TSPAN12: variants seen among roughly 807,000 people sequenced by gnomAD.
TSPAN12 encodes tetraspanin 12.
In TSPAN12, 19 loss-of-function variants were observed where a neutral mutation model predicts 39.2. The observed-to-expected ratio is 0.49, with a 90% CI of 0.34 to 0.71. TSPAN12 has a LOEUF of 0.71. Ranked by LOEUF, TSPAN12 falls within the 30% of genes least tolerant of loss-of-function variation. The pLI, the probability that TSPAN12 is intolerant of heterozygous loss-of-function variation, is 0.01. For synonymous variants in TSPAN12, 119 were observed against 124.8 expected (o/e 0.95, Z 0.31); for missense variants, 314 against 359.9 (o/e 0.87, Z 1.03).
At chr7:120,829,396 T>C (rs1462575619) in intron 4 of TSPAN12, among the ~76,000 whole-genome samples, 6 of 152,186 alleles carry the variant, frequency 3.9e-5, no homozygotes, top group South Asian at 4.1e-4. Context: ...TGATTTTTTT[T>C]TTTTTCTAAA....
In TSPAN12 at chr7:120,822,158, C is replaced by G. The variant is rs564793039; in HGVS notation, c.286-6355G>C. Among the ~76,000 whole-genome samples, 12 of 152,112 alleles carry G rather than the reference C, an allele frequency of 7.9e-5. No individual in the cohort carries two copies. In the East Asian group the frequency reaches 1.2e-3, roughly 15 times the overall value. Reference sequence around the variant, plus strand: ...CTTGACACCCACCTTCCTATTTAAGCCCTTGGGGATGTGTGGGTAAATGCA... The same window carrying G: ...CTTGACACCCACCTTCCTATTTAAGGCCTTGGGGATGTGTGGGTAAATGCA... On this transcript the variant is annotated intron_variant, in intron 4 of 7. Transcript: ENST00000222747.
At chr7:120,814,886 A>AC (rs1178754686) in intron 5 of TSPAN12, among the ~76,000 whole-genome samples, 41 of 152,314 alleles carry the variant, frequency 2.7e-4, no homozygotes, top group African/African-American at 9.4e-4. Context: ...CTCTTCAAAT[A>AC]CACCTCTTAC....
At chr7:120,826,630 T>C (rs1794293114) in intron 4 of TSPAN12, among the ~76,000 whole-genome samples, 1 of 152,200 alleles carries the variant, frequency 6.6e-6, no homozygotes, top group South Asian at 2.1e-4. Flanking sequence ...ATTCTGACCC[T>C]TATCGTGCCT....
intron 4 of TSPAN12, among the ~76,000 whole-genome samples, chr7:120,818,625 A>G (rs1794130066): frequency 6.6e-6 from 1 of 152,116 alleles, no homozygotes; most frequent in Non-Finnish European, 1.5e-5. Flanking sequence ...CTTCCTTCAT[A>G]TTTCTTTCAT....
intron 2 of TSPAN12, among the ~76,000 whole-genome samples, chr7:120,848,651 G>C (rs1424101622): frequency 6.6e-6 from 1 of 151,950 alleles, no homozygotes; most frequent in African/African-American, 2.4e-5. Flanking sequence ...TTTCACAGGA[G>C]TATACCCAAA....
intron 7 of TSPAN12, among the ~76,000 whole-genome samples, chr7:120,802,903 G>C (rs994623778): frequency 2.0e-5 from 3 of 152,014 alleles, no homozygotes; most frequent in Non-Finnish European, 4.4e-5. Context: ...AATATTATTG[G>C]GTCAGGGACC....
At chr7:120,836,666 T>C (rs1269643839) in intron 4 of TSPAN12, among the ~76,000 whole-genome samples, 2 of 152,116 alleles carry the variant, frequency 1.3e-5, no homozygotes, top group African/African-American at 2.4e-5. Flanking sequence ...GTATACATGA[T>C]CAGTAAGTAT....
intron 4 of TSPAN12, among the ~76,000 whole-genome samples, chr7:120,825,384 A>C (rs1304394088): frequency 6.6e-6 from 1 of 152,214 alleles, no homozygotes; most frequent in African/African-American, 2.4e-5. Context: ...AAATTGATAC[A>C]ACCTGTGATT....
intron 7 of TSPAN12, among the ~76,000 whole-genome samples, chr7:120,792,822 A>C (rs777275978): frequency 2.6e-5 from 4 of 152,254 alleles, no homozygotes; most frequent in Non-Finnish European, 5.9e-5. Context: ...ATATTATTTA[A>C]AATGTCCTGT....
intron 2 of TSPAN12, among the ~76,000 whole-genome samples, chr7:120,852,922 A>G (rs1024650580): frequency 1.3e-5 from 2 of 152,190 alleles, no homozygotes; most frequent in African/African-American, 2.4e-5. Flanking sequence ...ACTAGATGAG[A>G]GTAATGTTAA....
chr7:120,844,391 A>C (rs1385620959), intron 2 of TSPAN12, among the ~76,000 whole-genome samples: 1 of 152,220 alleles, frequency 6.6e-6, no homozygotes, highest in Non-Finnish European at 1.5e-5. Context: ...GCATTAACTC[A>C]AAAGTCCACA....
intron 4 of TSPAN12, among the ~76,000 whole-genome samples, chr7:120,836,535 G>A (rs1322284046): frequency 6.6e-6 from 1 of 152,178 alleles, no homozygotes; most frequent in Admixed American, 6.5e-5. Flanking sequence ...CTTCCCAGAG[G>A]GTGGCACTGA....
intron 5 of TSPAN12, among the ~76,000 whole-genome samples, chr7:120,812,560 C>G (rs904345040): frequency 2.0e-5 from 3 of 152,102 alleles, no homozygotes; most frequent in African/African-American, 7.2e-5. Context: ...AAATTCCTGA[C>G]CACAGAAAAT....
intron 7 of TSPAN12, among the ~76,000 whole-genome samples, chr7:120,797,284 G>A (rs1475051952): frequency 6.6e-6 from 1 of 152,208 alleles, no homozygotes; most frequent in East Asian, 1.9e-4. Context: ...CATGCATTGG[G>A]AGTTCTCTTT....
intron 2 of TSPAN12, among the ~76,000 whole-genome samples, chr7:120,855,284 C>T (rs1584957901): frequency 6.6e-6 from 1 of 152,154 alleles, no homozygotes; most frequent in Admixed American, 6.5e-5. Context: ...TGATCTTTGG[C>T]AAGTCACTTA....
At chr7:120,800,450 T>C (rs562545010) in intron 7 of TSPAN12, among the ~76,000 whole-genome samples, 1 of 152,320 alleles carries the variant, frequency 6.6e-6, no homozygotes, top group Non-Finnish European at 1.5e-5. Context: ...ATCCTTGATA[T>C]CTAACTGGCT....
intron 7 of TSPAN12, among the ~76,000 whole-genome samples, chr7:120,802,340 A>G (rs549736692): frequency 1.3e-5 from 2 of 152,252 alleles, no homozygotes; most frequent in Admixed American, 1.3e-4. Flanking sequence ...GTTCCCCAGC[A>G]TGGGTGCTTA....
At chr7:120,853,036 C>T (rs1478243446) in intron 2 of TSPAN12, among the ~76,000 whole-genome samples, 1 of 151,962 alleles carries the variant, frequency 6.6e-6, no homozygotes, top group Non-Finnish European at 1.5e-5. Context: ...AAATCAGTTT[C>T]CCTAAAATTA....
chr7:120,791,414 C>G (rs1005484517), intron 7 of TSPAN12, among the ~76,000 whole-genome samples: 13 of 151,862 alleles, frequency 8.6e-5, no homozygotes, highest in African/African-American at 3.1e-4. Context: ...TACAATACAA[C>G]GTGGTGACTA....
Sources: gnomAD v4.1 joint callset for allele counts (sites outside exome capture counted in the v4.1 genomes callset) on GRCh38, gnomAD v4.1.1 for gene constraint, MANE v1.5 for transcripts, NCBI Gene and HGNC (gene_info 2026-07-23, HGNC 2026-07-21) for gene names.